The following TM4SF20 variants were observed in gnomAD, a reference collection of about 807,000 sequenced individuals.
TM4SF20 encodes transmembrane 4 L six family member 20, also known as transmembrane 4 L6 family member 20.
A neutral mutation model predicts 15.1 loss-of-function variants in TM4SF20; 13 were observed. The ratio of observed to expected loss-of-function variants is 0.86; its 90% CI spans 0.56 to 1.36. TM4SF20 has a LOEUF of 1.36. Among genes scored for constraint, TM4SF20 ranks in the 40% most tolerant of loss-of-function variants. The pLI, the probability that TM4SF20 is intolerant of heterozygous loss-of-function variation, is 0.00. For missense variants in TM4SF20, 282 were observed against 268.4 expected (o/e 1.05, Z -0.35); for synonymous variants, 92 against 96.6 (o/e 0.95, Z 0.28).
At chr2:227,365,995 A>C in intron 3 of TM4SF20, 98 bp downstream of exon 3, 1 of 1,277,528 alleles carries the variant, frequency 7.8e-7, no homozygotes, top group Non-Finnish European at 1.1e-6. Context: ...CGGCAGTTGC[A>C]TCAAATAAAA....
chr2:227,368,331 T>TTTTATATATATATA (rs1553786646), intron 2 of TM4SF20, among the ~76,000 whole-genome samples: 1 of 67,332 alleles, frequency 1.5e-5, no homozygotes, highest in Non-Finnish European at 3.1e-5. Flanking sequence ...CCGCCATCTA[T>TTTTATATATATATA]TATTTATATA....
rs1003833204 is a variant in TM4SF20 at position 227,379,085 on chromosome 2, C to T, written c.183+1G>A. 6.2e-7 allele frequency: 1 copy of T among 1,613,680 alleles called. No homozygotes were observed. Among genetic ancestry groups the T allele is most frequent in the Non-Finnish European group, 8.5e-7 (1 of 1,179,858 alleles). ...CATCAAGTCAAATAAATATCACTCA[C>T]CATCAGACCTGCTCCTATAATTCCT... On this transcript the variant is annotated splice_donor_variant, in intron 1 of 3. Coordinates refer to ENST00000304568, the MANE Select transcript of TM4SF20 (RefSeq NM_024795.4). LOFTEE classifies it high-confidence loss of function.
chr2:227,370,914 C>T lies in TM4SF20; in HGVS notation c.249+1G>A. The T allele has an allele frequency of 1.9e-6, 3 of 1,613,868 alleles. No individual in the cohort carries two copies. Among genetic ancestry groups the T allele is most frequent in the East Asian group, 4.5e-5 (2 of 44,884 alleles). On this transcript the variant is annotated splice_donor_variant, in intron 2 of 3. Transcript: ENST00000304568. LOFTEE classifies it high-confidence loss of function. ...TTCCACGCCGACTGCTTCATACTTA[C>T]TCCAGTTCTGTTGTTGCAGCACGCT...
Position 227,376,543 on chromosome 2 carries a change from A to G in TM4SF20, c.183+2543T>C, listed in dbSNP as rs536482486. Among the ~76,000 whole-genome samples, 5 of 152,334 alleles carry G rather than the reference A, an allele frequency of 3.3e-5. 1 individual carries two copies. The highest frequency in any genetic ancestry group is 1.2e-4 in the African/African-American group (5 of 41,554). ...TTGTCTGATGCTTTAATGACATTCT[A>G]TAATACAGAATAATAGAGATAGTCT... On this transcript the variant is annotated intron_variant, in intron 1 of 3. Coordinates refer to ENST00000304568, the MANE Select transcript of TM4SF20 (RefSeq NM_024795.4).
At chr2:227,375,779 G>A (rs550938912) in intron 1 of TM4SF20, among the ~76,000 whole-genome samples, 37 of 152,192 alleles carry the variant, frequency 2.4e-4, no homozygotes, top group African/African-American at 7.2e-4. Context: ...ATGAGCCACC[G>A]TGCCTGGCCA....
chr2:227,369,628 C>G (rs2076410944), intron 2 of TM4SF20, among the ~76,000 whole-genome samples: 1 of 151,954 alleles, frequency 6.6e-6, no homozygotes. Flanking sequence ...GGGGTTTCAC[C>G]ATGTTGGCCA....
At chr2:227,380,586 A>G (rs2076475170), upstream of TM4SF20, among the ~76,000 whole-genome samples, 1 of 152,218 alleles carries the variant, frequency 6.6e-6, no homozygotes, top group Non-Finnish European at 1.5e-5. Context: ...AAAGTCACTC[A>G]GTTATGCATG....
At chr2:227,364,712 A>C (rs958176854) in intron 3 of TM4SF20, among the ~76,000 whole-genome samples, 17 of 152,312 alleles carry the variant, frequency 1.1e-4, no homozygotes, top group African/African-American at 4.1e-4. Context: ...GTAGCAAGCC[A>C]AGGATCACTC....
Position 227,363,756 on chromosome 2 carries a change from C to T in TM4SF20, c.658G>A (p.Gly220Arg), listed in dbSNP as rs1251077526. 2 of 1,613,922 alleles carry T rather than the reference C, an allele frequency of 1.2e-6. No homozygotes were observed. Among genetic ancestry groups the T allele is most frequent in the Non-Finnish European group, 1.7e-6 (2 of 1,180,010 alleles). The change falls in exon 4 of 4, where the codon GGA becomes AGA. Residue 220 changes from glycine to arginine, a missense_variant. Physicochemically the swap from Gly to Arg is moderately radical, Grantham distance 125. Transcript: ENST00000304568. ...ATTTGACTTCTTCGCTTAGAGACTC[C>T]ACACAGACAGCCAAGGAAACCGATG... is the stretch of plus-strand genomic sequence containing the variant. ...IVIGFLGCLC[G>R]VSKRRSQIV
chr2:227,372,827 C>G (rs765403644), intron 1 of TM4SF20, among the ~76,000 whole-genome samples: 1 of 152,106 alleles, frequency 6.6e-6, no homozygotes, highest in Admixed American at 6.5e-5. Flanking sequence ...ACCTCAGCCT[C>G]CCGAGTCGTT....
At chr2:227,367,513 G>GA (rs541323251) in intron 2 of TM4SF20, among the ~76,000 whole-genome samples, 71 of 147,980 alleles carry the variant, frequency 4.8e-4, no homozygotes, top group Non-Finnish European at 7.2e-4. Flanking sequence ...ATCTCTAAAA[G>GA]AAAAAAAAAA....
intron 3 of TM4SF20, among the ~76,000 whole-genome samples, chr2:227,364,775 G>A (rs1349192916): frequency 6.6e-6 from 1 of 152,202 alleles, no homozygotes; most frequent in Non-Finnish European, 1.5e-5. Flanking sequence ...GAGAATATCT[G>A]AGCGCTGTTG....
chr2:227,363,877 A>G lies in TM4SF20; in HGVS notation c.537T>C (p.Ser179=). 6.2e-7 allele frequency: 1 copy of G among 1,614,182 alleles called. No individual in the cohort carries two copies. The highest frequency in any genetic ancestry group is 8.5e-7 in the Non-Finnish European group (1 of 1,180,026). The change falls in exon 4 of 4, where the codon TCT becomes TCC. Residue 179 remains serine, a synonymous_variant. Coordinates refer to ENST00000304568, the MANE Select transcript of TM4SF20 (RefSeq NM_024795.4). The part of the protein sequence containing the change: ...GWRASSFHFD[S]EENKHRLIHF... Reference sequence around the variant, plus strand: ...GGATAAGCCTATGTTTGTTTTCTTCAGAATCGAAGTGGAAACTAGATGCTC... The same window carrying G: ...GGATAAGCCTATGTTTGTTTTCTTCGGAATCGAAGTGGAAACTAGATGCTC...
At chr2:227,373,300 T>C (rs2076430029) in intron 1 of TM4SF20, among the ~76,000 whole-genome samples, 1 of 152,220 alleles carries the variant, frequency 6.6e-6, no homozygotes, top group Non-Finnish European at 1.5e-5. Context: ...CAAGCTTTGC[T>C]TACACATTGC....
At chr2:227,374,670 A>G (rs2076438480) in intron 1 of TM4SF20, among the ~76,000 whole-genome samples, 1 of 152,196 alleles carries the variant, frequency 6.6e-6, no homozygotes, top group South Asian at 2.1e-4. Context: ...ACATGATTTT[A>G]CAAATGAAGT....
Position 227,366,087 on chromosome 2 carries a change from A to G in TM4SF20, c.401+6T>C. The G allele has an allele frequency of 6.2e-7, 1 of 1,611,516 alleles. No homozygotes were observed. The highest frequency in any genetic ancestry group is 8.5e-7 in the Non-Finnish European group (1 of 1,178,948). Reference sequence around the variant, plus strand: ...ACAGTAAGCCTGTGAAAATCAAGTTACTTACCTGATGTTTTTCAATGAAAA... The same window carrying G: ...ACAGTAAGCCTGTGAAAATCAAGTTGCTTACCTGATGTTTTTCAATGAAAA... On this transcript the variant is annotated splice_donor_region_variant and intron_variant, in intron 3 of 3. Transcript: ENST00000304568.
intron 1 of TM4SF20, among the ~76,000 whole-genome samples, chr2:227,372,866 T>A (rs1281217511): frequency 1.3e-5 from 2 of 151,918 alleles, no homozygotes; most frequent in African/African-American, 4.8e-5. Flanking sequence ...CATCACGCCC[T>A]GTTAGTTTTA....
chr2:227,368,018 T>TC (rs2076401319), intron 2 of TM4SF20, among the ~76,000 whole-genome samples: 1 of 125,062 alleles, frequency 8.0e-6, no homozygotes, highest in African/African-American at 3.3e-5. Context: ...TTTAACCATC[T>TC]ATTTTTTTTT....
Position 227,366,139 on chromosome 2 carries a change from G to T in TM4SF20, c.355C>A (p.Pro119Thr). The T allele has an allele frequency of 6.2e-7, 1 of 1,613,824 alleles. No individual in the cohort carries two copies. Among genetic ancestry groups the T allele is most frequent in the Non-Finnish European group, 8.5e-7 (1 of 1,179,936 alleles). The stretch of plus-strand genomic sequence containing the variant: ...TCACAATTGGCATTACTGTTGCTTG[G>T]AGAATTACACATGAGAGGACCTTTT... ...LLKGPLMCNS[P>T]SNSNANCEFS... is the part of the protein sequence containing the mutation. The change falls in exon 3 of 4, where the codon CCA becomes ACA. Residue 119 changes from proline to threonine, a missense_variant. Pro to Thr is a conservative substitution (Grantham distance 38, BLOSUM62 -1). Transcript: ENST00000304568.
Sources: gnomAD v4.1 joint callset for allele counts (sites outside exome capture counted in the v4.1 genomes callset) on GRCh38, gnomAD v4.1.1 for gene constraint, MANE v1.5 for transcripts, NCBI Gene and HGNC (gene_info 2026-07-23, HGNC 2026-07-21) for gene names.